MAF: variants seen among roughly 807,000 people sequenced by gnomAD.
MAF encodes MAF bZIP transcription factor.
Under a neutral mutation model 22.0 loss-of-function variants are expected in MAF, and 10 were observed. The ratio of observed to expected loss-of-function variants is 0.45; its 90% CI spans 0.28 to 0.77. The LOEUF (loss-of-function observed/expected upper bound fraction) is 0.77, where lower values mean the gene tolerates loss of function less well. Among genes scored for constraint, MAF ranks in the 30% least tolerant of loss-of-function variants. The probability of loss-of-function intolerance (pLI) is 0.12; values close to 1 mark genes in which losing one functional copy is unlikely to be tolerated. For synonymous variants in MAF, 337 were observed against 255.8 expected (o/e 1.32, Z -3.03); for missense variants, 544 against 548.4 (o/e 0.99, Z 0.08).
chr16:79,316,148 G>C, the MAF span, among the ~76,000 whole-genome samples: 1 of 152,244 alleles, frequency 6.6e-6, no homozygotes, highest in South Asian at 2.1e-4. Flanking sequence ...GTGGGCGCCT[G>C]TTAGAACGTG....
the MAF span, among the ~76,000 whole-genome samples, chr16:79,566,670 G>A: frequency 6.6e-6 from 1 of 152,200 alleles, no homozygotes; most frequent in African/African-American, 2.4e-5. Context: ...CCATCCCCCA[G>A]CCTGAGTTAG....
chr16:79,589,489 A>C (rs1024727693), downstream of MAF, among the ~76,000 whole-genome samples: 9 of 152,182 alleles, frequency 5.9e-5, no homozygotes, highest in African/African-American at 2.2e-4. Flanking sequence ...AAGCAGGAAA[A>C]AAAAAGAAAA....
the MAF span, among the ~76,000 whole-genome samples, chr16:79,278,838 A>G: frequency 6.6e-6 from 1 of 152,012 alleles, no homozygotes; most frequent in Non-Finnish European, 1.5e-5. Flanking sequence ...TTCTGCTGAC[A>G]CTGGATCTTC....
the MAF span, among the ~76,000 whole-genome samples, chr16:79,351,693 C>T: frequency 6.6e-6 from 1 of 151,758 alleles, no homozygotes; most frequent in African/African-American, 2.4e-5. Context: ...GTTTCTGGGG[C>T]TTCAGCAACC....
the MAF span, among the ~76,000 whole-genome samples, chr16:79,221,194 A>C: frequency 6.6e-6 from 1 of 152,182 alleles, no homozygotes; most frequent in Non-Finnish European, 1.5e-5. Flanking sequence ...GCTTGCCCTT[A>C]AACTTGGTTC....
At chr16:79,239,388 G>C in the MAF span, among the ~76,000 whole-genome samples, 1 of 152,158 alleles carries the variant, frequency 6.6e-6, no homozygotes, top group Non-Finnish European at 1.5e-5. Context: ...GGGCAAGTTG[G>C]AATGAGTTGG....
chr16:79,218,391 A>G, the MAF span, among the ~76,000 whole-genome samples: 2 of 152,216 alleles, frequency 1.3e-5, no homozygotes, highest in African/African-American at 2.4e-5. Flanking sequence ...TAATGGTTCA[A>G]TTAGCATCTT....
the MAF span, among the ~76,000 whole-genome samples, chr16:79,472,776 A>G: frequency 1.3e-5 from 2 of 152,124 alleles, no homozygotes; most frequent in Non-Finnish European, 1.5e-5. Flanking sequence ...ATAGTAATGT[A>G]TATAAATTGT....
chr16:79,370,458 T>A, the MAF span, among the ~76,000 whole-genome samples: 1 of 152,300 alleles, frequency 6.6e-6, no homozygotes, highest in Non-Finnish European at 1.5e-5. Context: ...CAGTTAAGCT[T>A]ACTCAAAGGC....
chr16:79,327,938 T>C, the MAF span, among the ~76,000 whole-genome samples: 33 of 152,348 alleles, frequency 2.2e-4, no homozygotes, highest in Non-Finnish European at 2.2e-4. Flanking sequence ...CAACCAGACT[T>C]ACGTGCAAAC....
chr16:79,544,639 T>C, the MAF span, among the ~76,000 whole-genome samples: 4 of 151,788 alleles, frequency 2.6e-5, no homozygotes, highest in African/African-American at 9.7e-5. Context: ...CCAGGCGTGG[T>C]GGCAGGTACC....
chr16:79,591,398 C>G (rs968637810), downstream of MAF, among the ~76,000 whole-genome samples: 7 of 152,088 alleles, frequency 4.6e-5, no homozygotes, highest in African/African-American at 1.2e-4. Flanking sequence ...AATGCTCCTT[C>G]TAATTGTAAC....
At chr16:79,227,485 G>C in the MAF span, among the ~76,000 whole-genome samples, 1 of 151,980 alleles carries the variant, frequency 6.6e-6, no homozygotes, top group Admixed American at 6.6e-5. Context: ...TTCCACTTGA[G>C]TTTGACATTC....
At chr16:79,542,569 C>A in the MAF span, among the ~76,000 whole-genome samples, 1 of 152,182 alleles carries the variant, frequency 6.6e-6, no homozygotes, top group South Asian at 2.1e-4. Context: ...GGGAACTGCT[C>A]TTCCTTCCCC....
At chr16:79,496,892 T>A in the MAF span, among the ~76,000 whole-genome samples, 1 of 152,352 alleles carries the variant, frequency 6.6e-6, no homozygotes, top group Admixed American at 6.5e-5. Context: ...ATTATTTTTT[T>A]CCTTGCAAGT....
At chr16:79,579,326 G>T in the MAF span, among the ~76,000 whole-genome samples, 1 of 152,188 alleles carries the variant, frequency 6.6e-6, no homozygotes, top group East Asian at 1.9e-4. Flanking sequence ...CACAGTTTCA[G>T]AAGATGCTTT....
the MAF span, among the ~76,000 whole-genome samples, chr16:79,308,173 C>T: frequency 0.016 from 2,436 of 152,284 alleles, 56 homozygotes; most frequent in African/African-American, 0.042. Flanking sequence ...ACAATCAATA[C>T]GGATCACTGC....
the MAF span, among the ~76,000 whole-genome samples, chr16:79,490,084 T>G: frequency 1.3e-5 from 2 of 152,142 alleles, no homozygotes; most frequent in African/African-American, 4.8e-5. Context: ...TGTGGCAAGG[T>G]AGAGTGGTCC....
intron 1 of MAF, among the ~76,000 whole-genome samples, chr16:79,588,418 A>G (rs77559571): frequency 0.063 from 9,562 of 151,866 alleles, 424 homozygotes; most frequent in Middle Eastern, 0.13. Context: ...GGAACTGTAG[A>G]TTTTTCTCTT....
Sources: allele counts gnomAD v4.1 joint callset (sites outside exome capture counted in the v4.1 genomes callset), GRCh38; gene constraint gnomAD v4.1.1; transcripts MANE v1.5; gene names NCBI Gene and HGNC (gene_info 2026-07-23, HGNC 2026-07-21).